The following PDE1C variants were observed in gnomAD, a reference collection of about 807,000 sequenced individuals.
PDE1C encodes phosphodiesterase 1C.
A neutral mutation model predicts 93.1 loss-of-function variants in PDE1C; 62 were observed. That is an observed-to-expected ratio of 0.67 (90% confidence interval 0.54 to 0.82). PDE1C has a LOEUF of 0.82. PDE1C is among the 40% of genes least tolerant of loss of function. The pLI is 0.00. For synonymous variants in PDE1C, 325 were observed against 310.1 expected (o/e 1.05, Z -0.50); for missense variants, 742 against 884.6 (o/e 0.84, Z 2.04).
intron 1 of PDE1C, among the ~76,000 whole-genome samples, chr7:32,408,121 A>G (rs1006723765): frequency 3.3e-5 from 5 of 152,228 alleles, no homozygotes; most frequent in African/African-American, 1.2e-4. Flanking sequence ...TGGGCAGGAA[A>G]GAGAAAAGAG....
chr7:32,339,611 A>G (rs918774671), intron 1 of PDE1C, among the ~76,000 whole-genome samples: 13 of 152,330 alleles, frequency 8.5e-5, no homozygotes, highest in African/African-American at 2.9e-4. Flanking sequence ...TCTCCGTGAC[A>G]AGACAGAGCA....
At chr7:31,969,697 G>A (rs1369003714) in intron 2 of PDE1C, among the ~76,000 whole-genome samples, 2 of 152,120 alleles carry the variant, frequency 1.3e-5, no homozygotes, top group Non-Finnish European at 2.9e-5. Flanking sequence ...GCACACATAT[G>A]TTTATTGCAG....
At chr7:31,715,721 T>C in the PDE1C span, among the ~76,000 whole-genome samples, 1 of 152,196 alleles carries the variant, frequency 6.6e-6, no homozygotes, top group Admixed American at 6.5e-5. Context: ...TTTTGTTCCA[T>C]CCCATTGGCT....
Position 31,772,777 on chromosome 7 carries a change from C to A in PDE1C, c.1960+2887G>T, listed in dbSNP as rs148890177. On this transcript the variant is annotated intron_variant, in intron 17 of 17. Coordinates refer to ENST00000396191, the MANE Select transcript of PDE1C (RefSeq NM_001191057.4). ...GGTGGTGTTGAAGAAATATAAAACC[C>A]TAAAATTCCAATTAAATCCATTCAC... is the stretch of plus-strand genomic sequence containing the variant. 6.5e-4 allele frequency among the ~76,000 whole-genome samples: 99 copies of A among 152,294 alleles called. 1 individual carries two copies. Among genetic ancestry groups the A allele is most frequent in the Middle Eastern group, 6.8e-3 (2 of 294 alleles).
chr7:31,832,128 A>C (rs1290605749), intron 11 of PDE1C, among the ~76,000 whole-genome samples: 1 of 152,200 alleles, frequency 6.6e-6, no homozygotes, highest in Non-Finnish European at 1.5e-5. Context: ...AAAAAGAGAA[A>C]CAATAAAACA....
chr7:32,033,694 C>T (rs1314921963), intron 2 of PDE1C, among the ~76,000 whole-genome samples: 2 of 152,068 alleles, frequency 1.3e-5, no homozygotes, highest in African/African-American at 4.8e-5. Context: ...ACTTGACCCA[C>T]AGACCCAAGA....
intron 3 of PDE1C, among the ~76,000 whole-genome samples, chr7:32,106,644 A>G (rs1798327212): frequency 6.6e-6 from 1 of 152,206 alleles, no homozygotes; most frequent in Non-Finnish European, 1.5e-5. Context: ...AAACTCAAAA[A>G]CAACCAGAGA....
chr7:31,724,014 C>T, the PDE1C span, among the ~76,000 whole-genome samples: 2 of 152,148 alleles, frequency 1.3e-5, no homozygotes, highest in African/African-American at 4.8e-5. Context: ...GAAGCTAAAA[C>T]CCCACGCTAG....
At chr7:31,656,123 A>G in the PDE1C span, 1 of 691,330 alleles carries the variant, frequency 1.4e-6, no homozygotes, top group Non-Finnish European at 1.8e-6. Flanking sequence ...AAACTCCTAT[A>G]TCACTTTGCT....
At chr7:32,098,378 T>A (rs1797877053) in intron 3 of PDE1C, among the ~76,000 whole-genome samples, 1 of 152,104 alleles carries the variant, frequency 6.6e-6, no homozygotes, top group Non-Finnish European at 1.5e-5. Context: ...GCCTTTCTCT[T>A]TAAGGACAGA....
chr7:32,355,164 C>G (rs934709610), intron 1 of PDE1C, among the ~76,000 whole-genome samples: 2 of 152,204 alleles, frequency 1.3e-5, no homozygotes, highest in African/African-American at 2.4e-5. Flanking sequence ...AAAGCCAGAG[C>G]TGGCTCAAGT....
downstream of PDE1C, among the ~76,000 whole-genome samples, chr7:31,749,282 G>C (rs1027666059): frequency 6.6e-6 from 1 of 152,084 alleles, no homozygotes; most frequent in Non-Finnish European, 1.5e-5. Flanking sequence ...AGAACTCCTG[G>C]GCAGGGTCAA....
rs34494376 is a variant in PDE1C, at chr7:32,370,447, CAA to C, written c.310+57373_310+57374del. Among the ~76,000 whole-genome samples, 599 of 120,182 alleles carry C rather than the reference CAA, an allele frequency of 5.0e-3. 2 individuals are homozygous for C. Among genetic ancestry groups the C allele is most frequent in the Admixed American group, 0.01 (123 of 11,860 alleles). 78.8% of individuals were successfully genotyped at this position (120,182 alleles called of 152,430 possible). ...CTGGGCGACAGAGTGAGACTCCTCT[CAA>C]AAAAAAAAAAAAAAAGGATGAGTTC... On this transcript the variant is annotated intron_variant, in intron 1 of 1. Coordinates refer to the PDE1C transcript ENST00000672256.
chr7:32,062,624 T>C (rs1198339527), intron 1 of PDE1C, among the ~76,000 whole-genome samples: 1 of 152,218 alleles, frequency 6.6e-6, no homozygotes. Context: ...TCCTCTCTTC[T>C]ATGTTTTCAC....
the PDE1C span, among the ~76,000 whole-genome samples, chr7:31,654,059 A>G: frequency 6.6e-6 from 1 of 151,820 alleles, no homozygotes; most frequent in Admixed American, 6.6e-5. Context: ...AGTCCAAAAA[A>G]AAAAAAAAAA....
intron 1 of PDE1C, among the ~76,000 whole-genome samples, chr7:32,053,848 A>T (rs1413776457): frequency 6.6e-6 from 1 of 152,116 alleles, no homozygotes; most frequent in East Asian, 1.9e-4. Flanking sequence ...AAAGAGCGCA[A>T]ATTCTAAAAA....
At chr7:32,102,627 A>T (rs193003101) in intron 3 of PDE1C, among the ~76,000 whole-genome samples, 3 of 152,242 alleles carry the variant, frequency 2.0e-5, no homozygotes, top group Non-Finnish European at 4.4e-5. Flanking sequence ...AATAAAACTC[A>T]TTCCTGGGAG....
upstream of PDE1C, among the ~76,000 whole-genome samples, chr7:32,303,325 G>A (rs368711461): frequency 2.0e-5 from 3 of 152,212 alleles, no homozygotes; most frequent in East Asian, 1.9e-4. Context: ...GAAATGAAGA[G>A]AGAAAAGAAG....
At chr7:32,125,973 A>G (rs999426714) in intron 3 of PDE1C, among the ~76,000 whole-genome samples, 1 of 152,150 alleles carries the variant, frequency 6.6e-6, no homozygotes, top group African/African-American at 2.4e-5. Flanking sequence ...AGGTAAACTT[A>G]ATAGATGCAG....
Sources: allele counts gnomAD v4.1 joint callset (sites outside exome capture counted in the v4.1 genomes callset), GRCh38; gene constraint gnomAD v4.1.1; transcripts MANE v1.5; gene names NCBI Gene and HGNC (gene_info 2026-07-23, HGNC 2026-07-21).